IL17RA: variants seen among roughly 807,000 people sequenced by gnomAD.
IL17RA encodes the protein interleukin 17 receptor A, also known as interleukin-17 receptor A.
In IL17RA, 34 loss-of-function variants were observed where a neutral mutation model predicts 50.4. The observed-to-expected ratio is 0.67, with a 90% CI of 0.51 to 0.90. The LOEUF (loss-of-function observed/expected upper bound fraction) is 0.90. IL17RA is among the 40% of genes least tolerant of loss of function. The pLI, the probability that IL17RA is intolerant of heterozygous loss-of-function variation, is 0.00. For synonymous variants in IL17RA, 585 were observed against 510.4 expected (o/e 1.15, Z -1.97); for missense variants, 1,276 against 1,169.8 (o/e 1.09, Z -1.32).
intron 10 of IL17RA, 61 bp downstream of exon 10, chr22:17,105,663 C>G (rs575282226): frequency 6.3e-7 from 1 of 1,582,240 alleles, no homozygotes; most frequent in African/African-American, 1.4e-5. Context: ...CCAGTGGCCA[C>G]TTGAGAAGTC....
chr22:17,085,090 C>G lies in IL17RA; in HGVS notation c.-2C>G, dbSNP rs1179701024. 1 of 1,336,300 alleles carries G rather than the reference C, an allele frequency of 7.5e-7. No individual in the cohort carries two copies. Among genetic ancestry groups the G allele is most frequent in the African/African-American group, 1.5e-5 (1 of 65,348 alleles). The allele number at this position is 1,336,300 out of a possible 1,614,324, so 82.8% of individuals were successfully genotyped here. A position where few individuals can be genotyped will look rare whatever the true frequency, so the allele number is the denominator to read the frequency against. On this transcript the variant is annotated 5_prime_UTR_variant, in exon 1 of 13. Coordinates refer to ENST00000319363, the MANE Select transcript of IL17RA (RefSeq NM_014339.7). ...CGAGCCCTCCGCGACGCCAGCCGGG[C>G]CATGGGGGCCGCACGCAGCCCGCCG... is the stretch of plus-strand genomic sequence containing the variant.
intron 1 of IL17RA, among the ~76,000 whole-genome samples, chr22:17,088,573 C>T (rs1011246625): frequency 1.1e-4 from 17 of 152,144 alleles, no homozygotes; most frequent in African/African-American, 2.4e-4. Flanking sequence ...GCAACATCCA[C>T]CTCCCAGGTT....
chr22:17,091,555 G>A (rs2061348251), intron 1 of IL17RA, among the ~76,000 whole-genome samples: 1 of 152,072 alleles, frequency 6.6e-6, no homozygotes, highest in South Asian at 2.1e-4. Context: ...GGTGGCGCCT[G>A]TAGTCCCAGC....
intron 1 of IL17RA, among the ~76,000 whole-genome samples, chr22:17,089,861 A>T (rs1418660452): frequency 2.0e-5 from 3 of 151,006 alleles, no homozygotes; most frequent in African/African-American, 7.4e-5. Flanking sequence ...ACCCTGTCTC[A>T]AAAAACAAAC....
chr22:17,094,667 C>CTATATATATATATATATATATG (rs2061359995), intron 1 of IL17RA, among the ~76,000 whole-genome samples: 2 of 25,108 alleles, frequency 8.0e-5, no homozygotes, highest in Non-Finnish European at 9.6e-5. Flanking sequence ...CTCTCTCTCT[C>CTATATATATATATATATATATG]TCTCTCTCTC....
At chr22:17,097,758 G>T (rs1370386808) in intron 2 of IL17RA, 39 bp from the exon 3 acceptor site, 1 of 1,613,058 alleles carries the variant, frequency 6.2e-7, no homozygotes, top group Admixed American at 1.7e-5. Flanking sequence ...CAGGGTCTCG[G>T]CTATAAGTCT....
At position 17,103,297 on chromosome 22, in the gene IL17RA, C is replaced by CTTA. The variant is rs1555874193; in HGVS notation, c.763-196_763-194dup. Among the ~76,000 whole-genome samples, 16 of 152,300 alleles carry CTTA rather than the reference C, an allele frequency of 1.1e-4. No homozygotes were observed. In the South Asian group the frequency reaches 3.3e-3, roughly 32 times the overall value. ...AGAGACTTACCAGTTACTACACGTA[C>CTTA]TTAAGGATTTACAATAAACCAGCTT... On this transcript the variant is annotated intron_variant, in intron 7 of 12. Transcript: ENST00000319363.
chr22:17,102,133 T>C lies in IL17RA; in HGVS notation c.599-6T>C, dbSNP rs753999184. ...CACTCCCAGCCTGCGTGTGTGACCT[T>C]GGCAGGCAGCCTGTGGGACCCCAAC... is the stretch of plus-strand genomic sequence containing the variant. On this transcript the variant is annotated splice_region_variant and splice_polypyrimidine_tract_variant and intron_variant, in intron 6 of 12. Transcript: ENST00000319363. 8 of 1,613,956 alleles carry C rather than the reference T, an allele frequency of 5.0e-6. No individual in the cohort carries two copies. Among genetic ancestry groups the C allele is most frequent in the Non-Finnish European group, 6.8e-6 (8 of 1,179,988 alleles).
At chr22:17,089,040 C>G (rs934669706) in intron 1 of IL17RA, among the ~76,000 whole-genome samples, 3 of 152,144 alleles carry the variant, frequency 2.0e-5, no homozygotes, top group Non-Finnish European at 4.4e-5. Flanking sequence ...AAATGATCTA[C>G]CTGCCTCGGC....
chr22:17,101,146 T>A (rs926970514), intron 5 of IL17RA, among the ~76,000 whole-genome samples: 4 of 152,184 alleles, frequency 2.6e-5, no homozygotes, highest in African/African-American at 7.2e-5. Flanking sequence ...CTCGAACTCC[T>A]GGGCTCATGC....
In IL17RA at chr22:17,109,752, T is replaced by C. The variant is rs1014756601; in HGVS notation, c.2533T>C (p.Phe845Leu). ...GAGGAGCCTCCAGCGGCAGCTGCTT[T>C]TCCGCCAGCTGCAGAAGAACTCGGG... ...SLRSLQRQLL[F>L]RQLQKNSGWD... is the part of the protein sequence containing the mutation. Residue 845 changes from phenylalanine to leucine, a missense_variant, in exon 13 of 13, where the codon TTC becomes CTC. Transcript: ENST00000319363. 1.0e-5 allele frequency: 16 copies of C among 1,558,170 alleles called. No individual in the cohort carries two copies. Among genetic ancestry groups the C allele is most frequent in the Non-Finnish European group, 1.4e-5 (16 of 1,151,390 alleles).
chr22:17,112,173 C>G lies in IL17RA; in HGVS notation c.*2353C>G, dbSNP rs749315230. ...CGTAGAGCACATGTTCCCATCTGCT[C>G]CCATTCCTCAGGAACCTTGAATTCT... On this transcript the variant is annotated 3_prime_UTR_variant, in exon 13 of 13. Transcript: ENST00000319363. 1.3e-5 allele frequency: 2 copies of G among 152,224 alleles called. No individual in the cohort carries two copies. Among genetic ancestry groups the G allele is most frequent in the Non-Finnish European group, 2.9e-5 (2 of 68,040 alleles). The allele number at this position is 152,224 out of a possible 1,614,324, so 9.4% of individuals were successfully genotyped here.
intron 3 of IL17RA, among the ~76,000 whole-genome samples, chr22:17,098,267 G>A (rs2061375768): frequency 6.6e-6 from 1 of 152,198 alleles, no homozygotes; most frequent in African/African-American, 2.4e-5. Flanking sequence ...TAACACATTT[G>A]TCAACCTGTT....
At chr22:17,102,323 C>T (rs1251694204) in intron 7 of IL17RA, 21 bp downstream of exon 7, 3 of 1,613,460 alleles carry the variant, frequency 1.9e-6, no homozygotes, top group Non-Finnish European at 2.5e-6. Context: ...TCTTTTTGAC[C>T]CCTCTAGCAT....
At chr22:17,094,205 TA>T (rs758574739) in intron 1 of IL17RA, among the ~76,000 whole-genome samples, 1 of 151,980 alleles carries the variant, frequency 6.6e-6, no homozygotes, top group East Asian at 1.9e-4. Context: ...AGGCTGGTCT[TA>T]AACTCCTGAC....
rs35718705 is a variant in IL17RA, at chr22:17,100,141, T to TAAAAAAAAAA, written c.424-203_424-194dup. ...CTACTGATGAGGCCAGATCCAGGTT[T>TAAAAAAAAAA]AAAAAAAAAAAAAAAAAAAACAGGC... is the stretch of plus-strand genomic sequence containing the variant. On this transcript the variant is annotated intron_variant, in intron 4 of 12. Coordinates refer to ENST00000319363, the MANE Select transcript of IL17RA (RefSeq NM_014339.7). Among the ~76,000 whole-genome samples the TAAAAAAAAAA allele has an allele frequency of 8.6e-3, 1,039 of 121,194 alleles. 20 individuals carry two copies. Among genetic ancestry groups the TAAAAAAAAAA allele is most frequent in the Non-Finnish European group, 0.014 (763 of 56,144 alleles). The allele number at this position is 121,194 out of a possible 152,430, so 79.5% of individuals were successfully genotyped here.
Position 17,094,998 on chromosome 22 carries a change from A to G in IL17RA, c.139-2064A>G, listed in dbSNP as rs187215849. ...TGATGACCATTCAGTACCACAGAAAAAGAGGGAAAGCTGTCCATTTTTTTT... is the reference window on the plus strand; with the variant it reads ...TGATGACCATTCAGTACCACAGAAAGAGAGGGAAAGCTGTCCATTTTTTTT... On this transcript the variant is annotated intron_variant, in intron 1 of 12. Transcript: ENST00000319363. Among the ~76,000 whole-genome samples the G allele has an allele frequency of 3.2e-3, 490 of 152,098 alleles. 1 individual carries two copies. Among genetic ancestry groups the G allele is most frequent in the African/African-American group, 0.011 (469 of 41,504 alleles).
At chr22:17,104,957 A>G (rs2061408252) in intron 9 of IL17RA, 147 bp downstream of exon 9, 1 of 773,950 alleles carries the variant, frequency 1.3e-6, no homozygotes, top group African/African-American at 1.7e-5. Flanking sequence ...TGAAGTGTGG[A>G]GTGGGGCTTT....
chr22:17,096,223 G>C (rs1292573005), intron 1 of IL17RA, among the ~76,000 whole-genome samples: 1 of 152,158 alleles, frequency 6.6e-6, no homozygotes, highest in Non-Finnish European at 1.5e-5. Context: ...CCTCAGGCTT[G>C]GAAGGTTAAC....
Sources: allele counts gnomAD v4.1 joint callset (sites outside exome capture counted in the v4.1 genomes callset), GRCh38; gene constraint gnomAD v4.1.1; transcripts MANE v1.5; gene names NCBI Gene and HGNC (gene_info 2026-07-23, HGNC 2026-07-21).